PCDH9: variants seen among roughly 807,000 people sequenced by gnomAD.
PCDH9 encodes the protein protocadherin-9.
PCDH9 carries 24 observed loss-of-function variants against 70.6 expected under a neutral mutation model. The observed-to-expected ratio is 0.34, with a 90% CI of 0.25 to 0.48. PCDH9 has a LOEUF of 0.48. PCDH9 is among the 20% of genes least tolerant of loss of function. PCDH9 has a pLI of 0.99. For missense variants in PCDH9, 1,281 were observed against 1,503.6 expected (o/e 0.85, Z 2.45); for synonymous variants, 562 against 558.5 (o/e 1.01, Z -0.09).
At chr13:67,068,949 G>A (rs558353372) in intron 2 of PCDH9, among the ~76,000 whole-genome samples, 1 of 151,938 alleles carries the variant, frequency 6.6e-6, no homozygotes, top group African/African-American at 2.4e-5. Context: ...ATTAAAAATT[G>A]TCATCCTATC....
chr13:67,090,713 GA>G (rs1194919971), intron 2 of PCDH9, among the ~76,000 whole-genome samples: 9 of 151,698 alleles, frequency 5.9e-5, no homozygotes, highest in Non-Finnish European at 1.3e-4. Flanking sequence ...CAGAAAATAC[GA>G]AAAAAAGAAG....
chr13:67,198,077 A>G (rs2089118989), intron 2 of PCDH9, among the ~76,000 whole-genome samples: 2 of 151,626 alleles, frequency 1.3e-5, no homozygotes, highest in Non-Finnish European at 1.5e-5. Flanking sequence ...TTGTTCAATG[A>G]TTTTTATGAA....
intron 4 of PCDH9, among the ~76,000 whole-genome samples, chr13:66,575,522 C>T (rs568388915): frequency 6.6e-6 from 1 of 152,108 alleles, no homozygotes; most frequent in Non-Finnish European, 1.5e-5. Context: ...TGTAAGATCA[C>T]CCCATGCCTA....
At position 66,586,008 on chromosome 13, in the gene PCDH9, C is replaced by T. The variant is rs1161733610; in HGVS notation, c.3340+45202G>A. On this transcript the variant is annotated intron_variant, in intron 4 of 4. Coordinates refer to ENST00000377865, the MANE Select transcript of PCDH9 (RefSeq NM_203487.3). ...TATATCTCTGTGAGATAAGCTTGCT[C>T]CATTTCAACCCACATCAAACAAAGA... Among the ~76,000 whole-genome samples the T allele has an allele frequency of 9.9e-5, 15 of 152,128 alleles. No homozygotes were observed. The East Asian group carries it at 2.9e-3, about 29-fold the overall frequency.
intron 4 of PCDH9, among the ~76,000 whole-genome samples, chr13:66,595,579 C>A (rs998329418): frequency 6.6e-6 from 1 of 151,642 alleles, no homozygotes; most frequent in Non-Finnish European, 1.5e-5. Context: ...TTTTCTTCCT[C>A]TATTGCCTTT....
chr13:66,796,346 C>T (rs979034550), intron 3 of PCDH9, among the ~76,000 whole-genome samples: 4 of 152,082 alleles, frequency 2.6e-5, no homozygotes, highest in Admixed American at 6.6e-5. Context: ...TGGAAGCCTA[C>T]CATGGAACAA....
chr13:66,814,200 T>C (rs1380456779), intron 3 of PCDH9, among the ~76,000 whole-genome samples: 3 of 152,138 alleles, frequency 2.0e-5, no homozygotes, highest in African/African-American at 4.8e-5. Flanking sequence ...ATGAAGAAAG[T>C]AGTTCCCTCC....
At chr13:66,834,852 G>A (rs2080988917) in intron 3 of PCDH9, among the ~76,000 whole-genome samples, 1 of 152,182 alleles carries the variant, frequency 6.6e-6, no homozygotes, top group Admixed American at 6.5e-5. Context: ...ACCATGGAAC[G>A]CTTTGCTCCT....
chr13:66,389,409 T>C (rs934393371), intron 4 of PCDH9, among the ~76,000 whole-genome samples: 1 of 152,230 alleles, frequency 6.6e-6, no homozygotes, highest in African/African-American at 2.4e-5. Flanking sequence ...TGTTCTGCCA[T>C]TATGCACAAG....
chr13:66,728,210 T>C (rs189338045), intron 3 of PCDH9, among the ~76,000 whole-genome samples: 1 of 152,170 alleles, frequency 6.6e-6, no homozygotes, highest in Admixed American at 6.5e-5. Flanking sequence ...ACTACTTCAG[T>C]TATGCTGTTT....
chr13:66,410,932 A>T (rs1456400464), intron 4 of PCDH9, among the ~76,000 whole-genome samples: 1 of 152,218 alleles, frequency 6.6e-6, no homozygotes, highest in Non-Finnish European at 1.5e-5. Flanking sequence ...TTTTCCAAAA[A>T]AACAACAAAT....
At chr13:66,983,808 C>G (rs1000074229) in intron 2 of PCDH9, among the ~76,000 whole-genome samples, 1 of 150,788 alleles carries the variant, frequency 6.6e-6, no homozygotes, top group African/African-American at 2.5e-5. Context: ...AGTACCCAAT[C>G]GTTTTTTTTG....
intron 2 of PCDH9, among the ~76,000 whole-genome samples, chr13:67,028,338 T>C (rs2084831142): frequency 7.1e-6 from 1 of 140,462 alleles, no homozygotes. Flanking sequence ...AAACACCGCA[T>C]ATTCTCACTC....
chr13:66,468,376 C>T (rs956930851), intron 4 of PCDH9, among the ~76,000 whole-genome samples: 2 of 152,064 alleles, frequency 1.3e-5, no homozygotes, highest in Admixed American at 6.6e-5. Context: ...CTCCAATGAC[C>T]TGTCAAGTCT....
intron 3 of PCDH9, among the ~76,000 whole-genome samples, chr13:66,829,469 A>G (rs865998391): frequency 6.8e-4 from 104 of 152,226 alleles, no homozygotes; most frequent in African/African-American, 2.3e-3. Flanking sequence ...GTTGACTACA[A>G]TGGAACTGGA....
intron 2 of PCDH9, among the ~76,000 whole-genome samples, chr13:67,064,891 A>AACAG (rs1555303268): frequency 3.4e-5 from 5 of 148,858 alleles, no homozygotes; most frequent in African/African-American, 1.2e-4. Context: ...CCTGTGTGGA[A>AACAG]ATAGATAGAT....
chr13:66,965,638 A>T (rs1295860359), intron 2 of PCDH9, among the ~76,000 whole-genome samples: 2 of 151,916 alleles, frequency 1.3e-5, no homozygotes, highest in Admixed American at 6.6e-5. Flanking sequence ...CTTAGATCAG[A>T]ATTTTATTAT....
intron 3 of PCDH9, among the ~76,000 whole-genome samples, chr13:66,728,458 C>A (rs1464982318): frequency 6.6e-6 from 1 of 152,108 alleles, no homozygotes; most frequent in East Asian, 1.9e-4. Flanking sequence ...GTAGTGCTGA[C>A]CATAATTATT....
intron 4 of PCDH9, among the ~76,000 whole-genome samples, chr13:66,405,762 C>T (rs75135305): frequency 0.022 from 3,411 of 152,154 alleles, 144 homozygotes; most frequent in African/African-American, 0.078. Flanking sequence ...CAAATCTAAC[C>T]GTAATTTAAA....
Sources: allele counts gnomAD v4.1 joint callset (sites outside exome capture counted in the v4.1 genomes callset), GRCh38; gene constraint gnomAD v4.1.1; transcripts MANE v1.5; gene names NCBI Gene and HGNC (gene_info 2026-07-23, HGNC 2026-07-21).